Variants in SHQ1 observed in about 807,000 individuals in gnomAD.
SHQ1 encodes the protein protein SHQ1 homolog.
A neutral mutation model predicts 53.8 loss-of-function variants in SHQ1; 49 were observed. The ratio of observed to expected loss-of-function variants is 0.91; its 90% CI spans 0.72 to 1.16. The LOEUF is 1.16. Among genes scored for constraint, SHQ1 ranks in the 50% most tolerant of loss-of-function variants. The pLI is 0.00. For missense variants in SHQ1, 738 were observed against 683.1 expected, an observed-to-expected ratio of 1.08 and a Z score of -0.90; for synonymous variants, 243 against 251.0, an observed-to-expected ratio of 0.97 and a Z score of 0.30.
chr3:72,792,801 AAAAAAAAAAAC>A, intron 10 of SHQ1, 104 bp downstream of exon 10: 14 of 744,586 alleles, frequency 1.9e-5, no homozygotes, highest in African/African-American at 3.7e-5. Flanking sequence ...AAAAAAAAAA[AAAAAAAAAAAC>A]ACAACTTACT....
intron 5 of SHQ1, among the ~76,000 whole-genome samples, chr3:72,830,449 A>G (rs1208984091): frequency 6.6e-6 from 1 of 152,172 alleles, no homozygotes; most frequent in Admixed American, 6.5e-5. Flanking sequence ...GCATGGTGAT[A>G]GTAATTTAAA....
intron 1 of SHQ1, among the ~76,000 whole-genome samples, chr3:72,846,549 C>T (rs1708333649): frequency 2.0e-5 from 3 of 152,132 alleles, no homozygotes; most frequent in South Asian, 2.1e-4. Flanking sequence ...CTGCCCACCT[C>T]GGCATCCCAA....
intron 9 of SHQ1, among the ~76,000 whole-genome samples, chr3:72,812,346 C>T (rs532785640): frequency 6.6e-6 from 1 of 152,244 alleles, no homozygotes; most frequent in African/African-American, 2.4e-5. Flanking sequence ...ACCCACAGTC[C>T]CACCATAGAG....
At chr3:72,787,486 T>C (rs1400844457) in intron 10 of SHQ1, among the ~76,000 whole-genome samples, 2 of 152,340 alleles carry the variant, frequency 1.3e-5, no homozygotes, top group African/African-American at 2.4e-5. Flanking sequence ...AAATGTGCTA[T>C]GTATTAAAAC....
intron 7 of SHQ1, 129 bp downstream of exon 7, chr3:72,817,101 A>C (rs1707341322): frequency 1.0e-6 from 1 of 960,424 alleles, no homozygotes; most frequent in African/African-American, 1.7e-5. Context: ...CACACATGCA[A>C]CTCTGCTGGG....
chr3:72,839,998 G>C (rs979355082), intron 4 of SHQ1, among the ~76,000 whole-genome samples: 2 of 151,956 alleles, frequency 1.3e-5, no homozygotes, highest in African/African-American at 4.8e-5. Flanking sequence ...CTGACCTCGT[G>C]ATCCACCCGC....
chr3:72,843,292 G>C lies in SHQ1; in HGVS notation c.209-890C>G, dbSNP rs1455428373. Among the ~76,000 whole-genome samples the C allele has an allele frequency of 3.9e-5, 6 of 152,098 alleles. 1 individual carries two copies. Among genetic ancestry groups the C allele is most frequent in the Non-Finnish European group, 8.8e-5 (6 of 68,024 alleles). ...AGAATACCTAATCCAATGGAGAATG[G>C]CAACAGTTTTAAAAATACACAGAAT... On this transcript the variant is annotated intron_variant, in intron 2 of 10. Coordinates refer to ENST00000325599, the MANE Select transcript of SHQ1 (RefSeq NM_018130.3).
At chr3:72,791,557 C>CA (rs1706437937) in intron 10 of SHQ1, among the ~76,000 whole-genome samples, 1 of 152,162 alleles carries the variant, frequency 6.6e-6, no homozygotes, top group African/African-American at 2.4e-5. Context: ...TCATTCAAAA[C>CA]AGACATTAAA....
intron 8 of SHQ1, chr3:72,814,540 CCT>C (rs2106866001): frequency 6.6e-6 from 1 of 152,212 alleles, no homozygotes; most frequent in Admixed American, 6.5e-5. Flanking sequence ...TGTTTCAGTT[CCT>C]GTTTACATCT....
intron 6 of SHQ1, among the ~76,000 whole-genome samples, chr3:72,824,047 G>A (rs905954665): frequency 3.3e-5 from 5 of 152,076 alleles, no homozygotes; most frequent in South Asian, 2.1e-4. Context: ...TCTTCCCCCC[G>A]CCCGTTACTA....
intron 10 of SHQ1, among the ~76,000 whole-genome samples, chr3:72,787,747 G>A (rs983353324): frequency 2.0e-5 from 3 of 150,970 alleles, no homozygotes; most frequent in East Asian, 2.0e-4. Flanking sequence ...CCTTTGCACG[G>A]TCTCCCTCTG....
chr3:72,823,659 A>G (rs1707555683), intron 6 of SHQ1, among the ~76,000 whole-genome samples: 1 of 152,228 alleles, frequency 6.6e-6, no homozygotes, highest in African/African-American at 2.4e-5. Context: ...ACAAGGTACA[A>G]ACCGGGTATA....
intron 9 of SHQ1, among the ~76,000 whole-genome samples, chr3:72,799,404 A>C (rs898995060): frequency 6.6e-6 from 1 of 152,226 alleles, no homozygotes; most frequent in African/African-American, 2.4e-5. Context: ...ACTAATTTTC[A>C]TATGTCATTT....
chr3:72,732,362 C>T, the SHQ1 span, among the ~76,000 whole-genome samples: 1 of 123,510 alleles, frequency 8.1e-6, no homozygotes, highest in African/African-American at 3.4e-5. Flanking sequence ...GCCTGCCTGC[C>T]TGCCTGCCTG....
At chr3:72,800,823 T>C (rs1019034345) in intron 9 of SHQ1, among the ~76,000 whole-genome samples, 16 of 152,220 alleles carry the variant, frequency 1.1e-4, no homozygotes, top group African/African-American at 3.1e-4. Flanking sequence ...TCCCTAATTA[T>C]ATATTTCCCT....
intron 10 of SHQ1, chr3:72,773,354 A>G: frequency 1.8e-6 from 1 of 546,982 alleles, no homozygotes; most frequent in South Asian, 1.6e-5. Flanking sequence ...CCAACAAGGA[A>G]GGAAAGGAAA....
At position 72,848,419 on chromosome 3, in the gene SHQ1, C is replaced by G; in HGVS notation, c.-79G>C. ...CCGCCACGCAAACTCTCCAACTCCCCACGCGCAGGAACTCTCGGTGTGAGG... is the reference window on the plus strand; with the variant it reads ...CCGCCACGCAAACTCTCCAACTCCCGACGCGCAGGAACTCTCGGTGTGAGG... On this transcript the variant is annotated 5_prime_UTR_variant, in exon 1 of 11. Transcript: ENST00000325599. 1 of 1,574,468 alleles carries G rather than the reference C, an allele frequency of 6.4e-7. No homozygotes were observed. The highest frequency in any genetic ancestry group is 1.4e-5 in the African/African-American group (1 of 73,772).
At chr3:72,773,107 C>T (rs768270727) in intron 10 of SHQ1, 10 of 776,308 alleles carry the variant, frequency 1.3e-5, no homozygotes, top group South Asian at 1.4e-5. Context: ...GGCCAAACTT[C>T]GTGAAATTGA....
At chr3:72,819,479 T>C (rs1177952536) in intron 6 of SHQ1, among the ~76,000 whole-genome samples, 1 of 152,198 alleles carries the variant, frequency 6.6e-6, no homozygotes, top group Non-Finnish European at 1.5e-5. Context: ...GATTTATAGC[T>C]TTAGTTAAGG....
Sources: allele counts gnomAD v4.1 joint callset (sites outside exome capture counted in the v4.1 genomes callset), GRCh38; gene constraint gnomAD v4.1.1; transcripts MANE v1.5; gene names NCBI Gene and HGNC (gene_info 2026-07-23, HGNC 2026-07-21).